LAD1: variants seen among roughly 807,000 people sequenced by gnomAD.
LAD1 encodes ladinin-1.
In LAD1, 53 loss-of-function variants were observed where a neutral mutation model predicts 54.2. That is an observed-to-expected ratio of 0.98 (90% CI 0.78 to 1.23). The LOEUF is 1.23. LAD1 is among the 50% of genes most tolerant of loss of function. The probability of loss-of-function intolerance (pLI) is 0.00; values close to 1 mark genes in which losing one functional copy is unlikely to be tolerated. For missense variants in LAD1, 637 were observed against 653.3 expected (o/e 0.98, Z 0.27); for synonymous variants, 231 against 257.7 (o/e 0.90, Z 0.99).
Position 201,382,276 on chromosome 1 carries a change from T to C in LAD1, c.1524A>G (p.Lys508=), listed in dbSNP as rs1401200426. 1 of 1,613,748 alleles carries C rather than the reference T, an allele frequency of 6.2e-7. No individual in the cohort carries two copies. Among genetic ancestry groups the C allele is most frequent in the South Asian group, 1.1e-5 (1 of 91,034 alleles). ...SATERTQWGQ[K]SDSSLDAEV ...CCTCAGCGTCCAGCGAGGAGTCAGATTTCTGTCCCCACTGAGTCCTCTCGG... is the reference window on the plus strand; with the variant it reads ...CCTCAGCGTCCAGCGAGGAGTCAGACTTCTGTCCCCACTGAGTCCTCTCGG... The change falls in exon 9 of 10, where the codon AAA becomes AAG. Residue 508 remains lysine, a synonymous_variant. Coordinates refer to ENST00000391967, the MANE Select transcript of LAD1 (RefSeq NM_005558.4).
chr1:201,382,309 T>C lies in LAD1; in HGVS notation c.1491A>G (p.Ser497=). 6.2e-7 allele frequency: 1 copy of C among 1,613,780 alleles called. No individual in the cohort carries two copies. Among genetic ancestry groups the C allele is most frequent in the Non-Finnish European group, 8.5e-7 (1 of 1,179,770 alleles). Residue 497 remains serine, a synonymous_variant, in exon 9 of 10, where the codon TCA becomes TCG. Coordinates refer to ENST00000391967, the MANE Select transcript of LAD1 (RefSeq NM_005558.4). ...DQDPQEAQKA[S]SATERTQWGQ... is the part of the protein sequence containing the mutation. ...CCCACTGAGTCCTCTCGGTTGCAGA[T>C]GATGCTTTCTGTGCCTCCTGATTGA... is the stretch of plus-strand genomic sequence containing the variant.
rs1662155178 is a variant in LAD1 at position 201,389,297 on chromosome 1, G to T, written c.45C>A (p.Ala15=). 1 of 1,612,160 alleles carries T rather than the reference G, an allele frequency of 6.2e-7. No individual in the cohort carries two copies. The highest frequency in any genetic ancestry group is 8.5e-7 in the Non-Finnish European group (1 of 1,179,704). ...CCTCATCCTCCAGAGTCCTCTGCCGGGCAAGGCTGGGGGAGGGGAGGAGAG... is the reference window on the plus strand; with the variant it reads ...CCTCATCCTCCAGAGTCCTCTGCCGTGCAAGGCTGGGGGAGGGGAGGAGAG... ...RKDWSALSSL[A]RQRTLEDEEE... The change falls in exon 2 of 10, where the codon GCC becomes GCA. Residue 15 remains alanine (A), a synonymous_variant. Coordinates refer to ENST00000391967, the MANE Select transcript of LAD1 (RefSeq NM_005558.4).
chr1:201,389,260 G>T lies in LAD1; in HGVS notation c.82C>A (p.Arg28Ser). ...TTGCGGTGCCGCCGCCTGCGCTCGCGCTCCTGTTCCTCCTCATCCTCCAGA... is the reference window on the plus strand; with the variant it reads ...TTGCGGTGCCGCCGCCTGCGCTCGCTCTCCTGTTCCTCCTCATCCTCCAGA... ...RTLEDEEEQE[R>S]ERRRRHRNLS... Residue 28 changes from arginine (R) to serine (S), a missense_variant, in exon 2 of 10, where the codon CGC (arginine) becomes AGC (serine). Arg to Ser is a moderately radical substitution (Grantham distance 110). Transcript: ENST00000391967. The T allele has an allele frequency of 6.2e-7, 1 of 1,613,950 alleles. No individual in the cohort carries two copies. Among genetic ancestry groups the T allele is most frequent in the Non-Finnish European group, 8.5e-7 (1 of 1,180,000 alleles).
rs1404694841 is a variant in LAD1, at chr1:201,381,237, C to T, written c.*651G>A. On this transcript the variant is annotated 3_prime_UTR_variant, in exon 10 of 10. Transcript: ENST00000391967. ...TACACCTGAGAGTAAATGAGTTTAT[C>T]AGATCCTTCCTGAGAACAGGTTTTT... is the stretch of plus-strand genomic sequence containing the variant. 6.3e-6 allele frequency: 1 copy of T among 157,802 alleles called. No individual in the cohort carries two copies. Among genetic ancestry groups the T allele is most frequent in the African/African-American group, 2.4e-5 (1 of 41,418 alleles). 9.8% of individuals were successfully genotyped at this position (157,802 alleles called of 1,614,324 possible).
chr1:201,392,888 C>T (rs1195213583), intron 1 of LAD1, among the ~76,000 whole-genome samples: 1 of 151,882 alleles, frequency 6.6e-6, no homozygotes, highest in Non-Finnish European at 1.5e-5. Context: ...ACTATGGTGG[C>T]TTGAACTGGG....
chr1:201,384,769 A>C, intron 5 of LAD1, 23 bp downstream of exon 5: 3 of 1,613,232 alleles, frequency 1.9e-6, no homozygotes, highest in Non-Finnish European at 2.5e-6. Context: ...AATAGAAAGA[A>C]CCAGAGCCTC....
chr1:201,381,792 C>A lies in LAD1; in HGVS notation c.*96G>T, dbSNP rs1661966059. 6.0e-6 allele frequency: 8 copies of A among 1,331,678 alleles called. No individual in the cohort carries two copies. The highest frequency in any genetic ancestry group is 4.7e-5 in the South Asian group (4 of 85,446). 82.5% of individuals were successfully genotyped at this position (1,331,678 alleles called of 1,614,324 possible). ...TCCACAGGCAAAAAGGGAACAGGGA[C>A]AATGAGAGGAAAGGGTGCTGCTGTG... On this transcript the variant is annotated 3_prime_UTR_variant, in exon 10 of 10. Transcript: ENST00000391967.
At chr1:201,382,503 C>G (rs907135216) in intron 8 of LAD1, 150 bp downstream of exon 8, 2 of 753,418 alleles carry the variant, frequency 2.7e-6, no homozygotes, top group African/African-American at 1.8e-5. Context: ...CTATTCCCGA[C>G]TGCCTCCACT....
chr1:201,396,415 C>G (rs1250796998), intron 1 of LAD1, among the ~76,000 whole-genome samples: 1 of 150,286 alleles, frequency 6.7e-6, no homozygotes, highest in Non-Finnish European at 1.5e-5. Context: ...TTGACCTCTA[C>G]CCTGGGAACT....
In LAD1 at chr1:201,383,379, T is replaced by TC; in HGVS notation, c.1185dup (p.Lys396GlufsTer35). 6.2e-7 allele frequency: 1 copy of TC among 1,614,030 alleles called. No individual in the cohort carries two copies. Among genetic ancestry groups the TC allele is most frequent in the Non-Finnish European group, 8.5e-7 (1 of 1,179,990 alleles). ...AACTTCACTGTGTTGTCTGGGAGCT[T>TC]CATGCTGGCACTGCAGGATGGAAGA... On this transcript the variant is annotated frameshift_variant, in exon 6 of 10. Transcript: ENST00000391967. LOFTEE classifies it high-confidence loss of function.
At chr1:201,384,737 G>C in intron 5 of LAD1, 55 bp downstream of exon 5, 6 of 1,590,284 alleles carry the variant, frequency 3.8e-6, no homozygotes, top group Non-Finnish European at 5.2e-6. Flanking sequence ...CAGGTACTCA[G>C]AAAATAGCCT....
intron 1 of LAD1, among the ~76,000 whole-genome samples, chr1:201,393,835 C>T (rs374623388): frequency 1.4e-5 from 2 of 143,940 alleles, no homozygotes; most frequent in African/African-American, 5.1e-5. Flanking sequence ...CATTAATGTA[C>T]AGATCTTAAG....
chr1:201,392,429 A>G (rs1194607431), intron 1 of LAD1, among the ~76,000 whole-genome samples: 1 of 152,248 alleles, frequency 6.6e-6, no homozygotes, highest in East Asian at 1.9e-4. Context: ...TGTCACTAGG[A>G]CAAGGGAACA....
chr1:201,396,093 A>G (rs1038105558), intron 1 of LAD1, among the ~76,000 whole-genome samples: 1 of 152,182 alleles, frequency 6.6e-6, no homozygotes, highest in African/African-American at 2.4e-5. Context: ...CCCATGCAAC[A>G]TTGACCTTCA....
intron 2 of LAD1, among the ~76,000 whole-genome samples, 161 bp downstream of exon 2, chr1:201,388,999 G>A (rs1299013670): frequency 6.6e-6 from 1 of 152,216 alleles, no homozygotes; most frequent in Non-Finnish European, 1.5e-5. Flanking sequence ...ATGGAAGCTG[G>A]CAGGACTGAG....
At chr1:201,392,733 A>T (rs531208180) in intron 1 of LAD1, among the ~76,000 whole-genome samples, 127 of 152,228 alleles carry the variant, frequency 8.3e-4, no homozygotes, top group African/African-American at 2.9e-3. Context: ...GGAGAGTGTT[A>T]CACAGAAAAA....
At chr1:201,395,431 G>GTCAC (rs1242092544) in intron 1 of LAD1, among the ~76,000 whole-genome samples, 1 of 152,194 alleles carries the variant, frequency 6.6e-6, no homozygotes, top group East Asian at 1.9e-4. Context: ...TCTAACACCA[G>GTCAC]TCACTGTTCT....
Position 201,381,405 on chromosome 1 carries a change from G to C in LAD1, c.*483C>G, listed in dbSNP as rs12078963. On this transcript the variant is annotated 3_prime_UTR_variant, in exon 10 of 10. Coordinates refer to ENST00000391967, the MANE Select transcript of LAD1 (RefSeq NM_005558.4). The stretch of plus-strand genomic sequence containing the variant: ...AGCTCCTTCTCCCCTGGCCAGAGCG[G>C]GCCTCAGTGGCTGGGAGCAGGCCCC... The C allele has an allele frequency of 9.9e-3, 1,845 of 186,886 alleles. 31 individuals are homozygous for C. Among genetic ancestry groups the C allele is most frequent in the African/African-American group, 0.042 (1,775 of 41,788 alleles). The allele number at this position is 186,886 out of a possible 1,614,324, so 11.6% of individuals were successfully genotyped here.
rs893568479 is a variant in LAD1, at chr1:201,399,294, T to A, written c.13A>T (p.Arg5Trp). ...CTGGACAGCGCGGACCAGTCCTTCCTGCTGACAGCCATGCTGCAGGAGCCC... is the reference window on the plus strand; with the variant it reads ...CTGGACAGCGCGGACCAGTCCTTCCAGCTGACAGCCATGCTGCAGGAGCCC... MAVS[R>W]KDWSALSSLA... The change falls in exon 1 of 10, where the codon AGG becomes TGG. Residue 5 changes from arginine (R) to tryptophan (W), a missense_variant. Coordinates refer to ENST00000391967, the MANE Select transcript of LAD1 (RefSeq NM_005558.4). The A allele has an allele frequency of 3.9e-6, 6 of 1,546,502 alleles. No individual in the cohort carries two copies. Among genetic ancestry groups the A allele is most frequent in the Non-Finnish European group, 5.2e-6 (6 of 1,151,930 alleles).
Sources: allele counts gnomAD v4.1 joint callset (sites outside exome capture counted in the v4.1 genomes callset), GRCh38; gene constraint gnomAD v4.1.1; transcripts MANE v1.5; gene names NCBI Gene and HGNC (gene_info 2026-07-23, HGNC 2026-07-21).